The following ADARB2 variants were observed in gnomAD, a reference collection of about 807,000 sequenced individuals.
ADARB2 encodes the protein adenosine deaminase RNA specific B2 (inactive), also known as inactive double-stranded RNA-specific editase B2.
ADARB2 carries 25 observed loss-of-function variants against 62.2 expected under a neutral mutation model. The observed-to-expected ratio is 0.40, with a 90% CI of 0.29 to 0.56. The LOEUF is 0.56. ADARB2 is among the 20% of genes least tolerant of loss of function. ADARB2 has a pLI of 0.43. For missense variants in ADARB2, 1,071 were observed against 1,077.4 expected, an observed-to-expected ratio of 0.99 and a Z score of 0.08; for synonymous variants, 572 against 500.8, an observed-to-expected ratio of 1.14 and a Z score of -1.90.
chr10:1,545,702 TG>T (rs1480128560), intron 1 of ADARB2, among the ~76,000 whole-genome samples: 3 of 152,176 alleles, frequency 2.0e-5, no homozygotes, highest in Admixed American at 2.0e-4. Flanking sequence ...AAGGGGCCTA[TG>T]GTGACTGTGC....
chr10:1,447,481 G>A (rs1830985375), intron 1 of ADARB2, among the ~76,000 whole-genome samples: 1 of 152,174 alleles, frequency 6.6e-6, no homozygotes, highest in South Asian at 2.1e-4. Flanking sequence ...AGAACACAAT[G>A]GGAAGAGAGT....
chr10:1,394,815 C>T (rs1832597594), intron 1 of ADARB2: 2 of 456,760 alleles, frequency 4.4e-6, no homozygotes, highest in Non-Finnish European at 8.8e-6. Flanking sequence ...AGCTGCTTCC[C>T]CTCCCTGCTA....
At chr10:1,300,575 T>G (rs557757161) in intron 3 of ADARB2, among the ~76,000 whole-genome samples, 193 of 152,396 alleles carry the variant, frequency 1.3e-3, no homozygotes, top group Non-Finnish European at 2.4e-3. Flanking sequence ...ATTCGTTCAA[T>G]GAATATTTAC....
At chr10:1,677,633 A>C (rs917564514) in intron 1 of ADARB2, among the ~76,000 whole-genome samples, 2 of 152,190 alleles carry the variant, frequency 1.3e-5, no homozygotes, top group African/African-American at 4.8e-5. Flanking sequence ...GAGCTCAAGA[A>C]GGCGGCTGTC....
intron 2 of ADARB2, among the ~76,000 whole-genome samples, chr10:1,375,776 GTGCACACACA>G (rs1832418088): frequency 6.6e-6 from 1 of 150,974 alleles, no homozygotes; most frequent in South Asian, 2.1e-4. Context: ...ACGCACACAT[GTGCACACACA>G]TGCACACACG....
At chr10:1,260,513 C>T (rs962822970) in intron 4 of ADARB2, among the ~76,000 whole-genome samples, 12 of 151,544 alleles carry the variant, frequency 7.9e-5, no homozygotes, top group Admixed American at 2.0e-4. Flanking sequence ...CAATAACAGA[C>T]GAACAGAGAG....
intron 6 of ADARB2, among the ~76,000 whole-genome samples, chr10:1,228,561 T>A (rs1470067566): frequency 6.6e-6 from 1 of 152,202 alleles, no homozygotes; most frequent in African/African-American, 2.4e-5. Context: ...GGAATAAATG[T>A]CTTTCAGGCA....
intron 4 of ADARB2, among the ~76,000 whole-genome samples, chr10:1,264,618 T>C (rs1362200823): frequency 6.6e-6 from 1 of 152,202 alleles, no homozygotes. Flanking sequence ...TCATTTTAGG[T>C]TCAAAGCCAA....
At chr10:1,320,077 T>G (rs191695924) in intron 3 of ADARB2, among the ~76,000 whole-genome samples, 1 of 152,240 alleles carries the variant, frequency 6.6e-6, no homozygotes, top group Non-Finnish European at 1.5e-5. Flanking sequence ...TCCCTTCCCA[T>G]TCCTCATTCC....
intron 1 of ADARB2, among the ~76,000 whole-genome samples, chr10:1,575,160 G>T (rs1281354577): frequency 1.4e-5 from 2 of 145,410 alleles, no homozygotes; most frequent in Non-Finnish European, 3.0e-5. Flanking sequence ...ACCTTAATAA[G>T]TAGTGCTAAT....
intron 3 of ADARB2, among the ~76,000 whole-genome samples, chr10:1,300,288 A>G (rs1831561370): frequency 6.6e-6 from 1 of 152,208 alleles, no homozygotes; most frequent in African/African-American, 2.4e-5. Context: ...TGCCCATTGA[A>G]GGCTGCCCTC....
At chr10:1,483,407 A>G (rs1831500762) in intron 1 of ADARB2, among the ~76,000 whole-genome samples, 1 of 152,242 alleles carries the variant, frequency 6.6e-6, no homozygotes, top group South Asian at 2.1e-4. Context: ...ATCCTGAACG[A>G]CAACTTTACA....
rs537283163 is a variant in ADARB2, at chr10:1,207,540, G to A, written c.1683-7393C>T. On this transcript the variant is annotated intron_variant, in intron 7 of 9. Coordinates refer to ENST00000381312, the MANE Select transcript of ADARB2 (RefSeq NM_018702.4). ...GAAGGCGTCAGAATTGTTCCCAGGT[G>A]GGCTGCGTGGCCAAGAGGAGGCACG... is the stretch of plus-strand genomic sequence containing the variant. Among the ~76,000 whole-genome samples, 163 of 152,228 alleles carry A rather than the reference G, an allele frequency of 1.1e-3. 2 individuals are homozygous for A. Among genetic ancestry groups the A allele is most frequent in the Middle Eastern group, 0.01 (3 of 294 alleles).
rs1012664204 is a variant in ADARB2, at chr10:1,363,844, G to A, written c.261C>T (p.Asp87=). 6.5e-7 allele frequency: 1 copy of A among 1,550,222 alleles called. No individual in the cohort carries two copies. The highest frequency in any genetic ancestry group is 8.7e-7 in the Non-Finnish European group (1 of 1,155,242). Residue 87 remains aspartate, a synonymous_variant, in exon 3 of 10, where the codon GAC becomes GAT. Coordinates refer to ENST00000381312, the MANE Select transcript of ADARB2 (RefSeq NM_018702.4). ...CGCCGGGCGCGCCGCCCCGGGCCCGGTCCCCGGAGGGCGGTGGCCGCGCGG... is the reference window on the plus strand; with the variant it reads ...CGCCGGGCGCGCCGCCCCGGGCCCGATCCCCGGAGGGCGGTGGCCGCGCGG... The part of the protein sequence containing the change: ...NLAARPPPSG[D]RARGGAPGAK...
At chr10:1,439,404 C>T (rs1450719333) in intron 1 of ADARB2, among the ~76,000 whole-genome samples, 3 of 143,612 alleles carry the variant, frequency 2.1e-5, no homozygotes, top group Non-Finnish European at 4.5e-5. Context: ...GCTCCTGAGT[C>T]TCCCCCAGGA....
At chr10:1,323,213 T>C (rs1057259346) in intron 3 of ADARB2, among the ~76,000 whole-genome samples, 15 of 150,478 alleles carry the variant, frequency 1.0e-4, no homozygotes, top group African/African-American at 3.4e-4. Flanking sequence ...ATCCTCTTTA[T>C]CATACTTCAC....
At position 1,651,728 on chromosome 10, in the gene ADARB2, G is replaced by A. The variant is rs556954196; in HGVS notation, c.100+85323C>T. On this transcript the variant is annotated intron_variant, in intron 1 of 9. Transcript: ENST00000381312. Reference sequence around the variant, plus strand: ...AGCGAAGCGGGGCCTTACTGCCTGAGCGTGGTGGGCGTGACTCTCGGGGGG... The same window carrying A: ...AGCGAAGCGGGGCCTTACTGCCTGAACGTGGTGGGCGTGACTCTCGGGGGG... Among the ~76,000 whole-genome samples, 11 of 152,290 alleles carry A rather than the reference G, an allele frequency of 7.2e-5. No homozygotes were observed. The South Asian group carries it at 2.3e-3, about 32-fold the overall frequency.
intron 4 of ADARB2, among the ~76,000 whole-genome samples, chr10:1,260,220 C>T (rs896788612): frequency 1.3e-5 from 2 of 152,176 alleles, no homozygotes; most frequent in African/African-American, 4.8e-5. Flanking sequence ...AAACTGGAAG[C>T]ATTCCCTTTG....
At chr10:1,342,685 C>A (rs775108363) in intron 3 of ADARB2, among the ~76,000 whole-genome samples, 14 of 152,228 alleles carry the variant, frequency 9.2e-5, no homozygotes, top group Admixed American at 3.9e-4. Context: ...AGTTAGGAAA[C>A]CTACCGCCCC....
Sources: allele counts gnomAD v4.1 joint callset (sites outside exome capture counted in the v4.1 genomes callset), GRCh38; gene constraint gnomAD v4.1.1; transcripts MANE v1.5; gene names NCBI Gene and HGNC (gene_info 2026-07-23, HGNC 2026-07-21).